Variants in RCOR1 observed in about 807,000 individuals in gnomAD.
The protein encoded by RCOR1 is REST corepressor.
In RCOR1, 12 loss-of-function variants were observed where a neutral mutation model predicts 64.0. The ratio of observed to expected loss-of-function variants is 0.19; its 90% CI spans 0.12 to 0.30. The LOEUF is 0.30. Ranked by LOEUF, RCOR1 falls within the 10% of genes least tolerant of loss-of-function variation. The probability of loss-of-function intolerance (pLI) is 1.00; values close to 1 mark genes in which losing one functional copy is unlikely to be tolerated. For missense variants in RCOR1, 502 were observed against 621.2 expected, an observed-to-expected ratio of 0.81 and a Z score of 2.04; for synonymous variants, 279 against 227.2, an observed-to-expected ratio of 1.23 and a Z score of -2.05.
intron 2 of RCOR1, chr14:102,651,070 C>T (rs1209027491): frequency 1.0e-6 from 1 of 984,370 alleles, no homozygotes; most frequent in African/African-American, 1.7e-5. Context: ...CATTGTTGCA[C>T]AGTACATTGT....
chr14:102,721,280 C>T (rs766820032), intron 9 of RCOR1, 40 bp from the exon 10 acceptor site: 3 of 1,562,068 alleles, frequency 1.9e-6, no homozygotes, highest in South Asian at 1.1e-5. Context: ...ATACTCATCT[C>T]TAAATGTAAT....
At chr14:102,605,067 C>CAAA (rs71119718) in intron 2 of RCOR1, among the ~76,000 whole-genome samples, 8 of 93,990 alleles carry the variant, frequency 8.5e-5, no homozygotes, top group East Asian at 3.3e-4. Context: ...TATTCCATCT[C>CAAA]AAAAAAAAAA....
At chr14:102,671,494 C>G (rs748626814) in intron 2 of RCOR1, among the ~76,000 whole-genome samples, 7 of 152,128 alleles carry the variant, frequency 4.6e-5, no homozygotes, top group African/African-American at 1.7e-4. Flanking sequence ...CTCTTGGGCT[C>G]AAGCAATCCT....
At chr14:102,593,458 C>G in intron 2 of RCOR1, 133 bp downstream of exon 2, 1 of 976,754 alleles carries the variant, frequency 1.0e-6, no homozygotes, top group Non-Finnish European at 1.4e-6. Context: ...GGGAGAACAG[C>G]AGGGCGAGGA....
intron 2 of RCOR1, among the ~76,000 whole-genome samples, chr14:102,612,797 T>C (rs527302259): frequency 4.6e-5 from 7 of 151,820 alleles, no homozygotes; most frequent in Non-Finnish European, 7.4e-5. Flanking sequence ...GAGATCAGCT[T>C]GGGCAACATA....
Position 102,592,698 on chromosome 14 carries a change from C to G in RCOR1, c.-189C>G, listed in dbSNP as rs530001856. 1.3e-4 allele frequency: 159 copies of G among 1,227,478 alleles called. No individual in the cohort carries two copies. The highest frequency in any genetic ancestry group is 1.4e-4 in the Non-Finnish European group (141 of 985,330). 76.0% of individuals were successfully genotyped at this position (1,227,478 alleles called of 1,614,324 possible). ...ATGAGAGCGAAAGTTGCGCTCGGCT[C>G]GTCGCTGGGGGCTTGAAGCGGCTCC... is the stretch of plus-strand genomic sequence containing the variant. On this transcript the variant is annotated 5_prime_UTR_variant, in exon 1 of 12. Transcript: ENST00000262241.
intron 5 of RCOR1, among the ~76,000 whole-genome samples, chr14:102,708,115 G>A (rs1361766459): frequency 6.6e-6 from 1 of 152,050 alleles, no homozygotes; most frequent in Admixed American, 6.6e-5. Flanking sequence ...ATAGGCGCCC[G>A]CTACCACGCC....
chr14:102,664,150 C>T (rs1030176019), intron 2 of RCOR1, among the ~76,000 whole-genome samples: 7 of 152,068 alleles, frequency 4.6e-5, no homozygotes, highest in African/African-American at 1.4e-4. Flanking sequence ...CTCCGTCACC[C>T]GCTGGAGTGC....
intron 11 of RCOR1, among the ~76,000 whole-genome samples, chr14:102,725,014 CA>C (rs749366772): frequency 2.0e-5 from 3 of 152,176 alleles, no homozygotes; most frequent in Non-Finnish European, 4.4e-5. Context: ...TTATTTCCTT[CA>C]GGGCTTAGAG....
intron 2 of RCOR1, among the ~76,000 whole-genome samples, chr14:102,670,554 T>G (rs1329482957): frequency 6.6e-6 from 1 of 151,956 alleles, no homozygotes; most frequent in Non-Finnish European, 1.5e-5. Context: ...AGCTTCAGTT[T>G]TCTTGTTCTG....
At chr14:102,665,803 G>GGT (rs1015770187) in intron 2 of RCOR1, among the ~76,000 whole-genome samples, 2 of 152,076 alleles carry the variant, frequency 1.3e-5, no homozygotes, top group African/African-American at 4.8e-5. Context: ...GGGCTTTTTT[G>GGT]GTGTGTGTTA....
At chr14:102,620,597 C>G (rs1343159522) in intron 2 of RCOR1, among the ~76,000 whole-genome samples, 1 of 152,118 alleles carries the variant, frequency 6.6e-6, no homozygotes, top group Non-Finnish European at 1.5e-5. Flanking sequence ...TGGTATGCAT[C>G]TGTGGTCACA....
intron 2 of RCOR1, among the ~76,000 whole-genome samples, chr14:102,633,373 G>A (rs756890154): frequency 2.0e-5 from 3 of 152,038 alleles, no homozygotes; most frequent in African/African-American, 4.8e-5. Context: ...TTTTTATATA[G>A]AGATGGGGTC....
intron 2 of RCOR1, among the ~76,000 whole-genome samples, chr14:102,594,514 C>T (rs1168528455): frequency 1.3e-5 from 2 of 152,182 alleles, no homozygotes; most frequent in African/African-American, 4.8e-5. Flanking sequence ...AGCTCTTGGA[C>T]ACTCTGGAAA....
intron 2 of RCOR1, among the ~76,000 whole-genome samples, chr14:102,618,722 T>TA (rs2139897316): frequency 6.6e-6 from 1 of 152,332 alleles, no homozygotes; most frequent in Non-Finnish European, 1.5e-5. Context: ...TTATGGTACT[T>TA]ACCGTTTTCC....
intron 2 of RCOR1, among the ~76,000 whole-genome samples, chr14:102,666,602 G>T (rs1894920245): frequency 1.3e-5 from 2 of 152,220 alleles, no homozygotes; most frequent in South Asian, 4.1e-4. Flanking sequence ...GTTCCTCTTG[G>T]CTGTGACAGT....
chr14:102,636,094 G>A (rs1442850918), intron 2 of RCOR1, among the ~76,000 whole-genome samples: 2 of 149,216 alleles, frequency 1.3e-5, no homozygotes, highest in Admixed American at 1.3e-4. Flanking sequence ...CACCACACCC[G>A]GCTAATTTTT....
At chr14:102,725,641 G>A (rs532512945) in intron 11 of RCOR1, among the ~76,000 whole-genome samples, 11 of 152,208 alleles carry the variant, frequency 7.2e-5, no homozygotes, top group Middle Eastern at 3.4e-3. Context: ...GCAGTGGTAC[G>A]ATCTTAGCTC....
intron 4 of RCOR1, among the ~76,000 whole-genome samples, chr14:102,706,114 CAAA>C (rs71119732): frequency 0.02 from 419 of 21,264 alleles, 1 homozygote; most frequent in African/African-American, 0.056. Flanking sequence ...AACCCTGTCT[CAAA>C]AAAAAAAAAA....
Sources: gnomAD v4.1 joint callset for allele counts (sites outside exome capture counted in the v4.1 genomes callset) on GRCh38, gnomAD v4.1.1 for gene constraint, MANE v1.5 for transcripts, NCBI Gene and HGNC (gene_info 2026-07-23, HGNC 2026-07-21) for gene names.